The following ATP2A1 variants were observed in gnomAD, a reference collection of about 807,000 sequenced individuals.
ATP2A1 encodes the protein sarcoplasmic/endoplasmic reticulum calcium ATPase 1.
In ATP2A1, 83 loss-of-function variants were observed where a neutral mutation model predicts 109.5. That is an observed-to-expected ratio of 0.76 (90% CI 0.63 to 0.91). The LOEUF (loss-of-function observed/expected upper bound fraction) is 0.91. ATP2A1 is among the 40% of genes least tolerant of loss of function. The pLI is 0.00. For missense variants in ATP2A1, 1,101 were observed against 1,341.0 expected (o/e 0.82, Z 2.80); for synonymous variants, 505 against 537.6 (o/e 0.94, Z 0.84).
rs547031695 is a variant in ATP2A1, at chr16:28,904,385, C to T, written c.*243C>T. ...TCTCAACCTTGTAAATTCCCCTTCC[C>T]AACCCCGAGGGGCTTGCAGGGACAA... On this transcript the variant is annotated 3_prime_UTR_variant, in exon 23 of 23. Coordinates refer to ENST00000395503, the MANE Select transcript of ATP2A1 (RefSeq NM_004320.6). 6 of 1,536,994 alleles carry T rather than the reference C, an allele frequency of 3.9e-6. No individual in the cohort carries two copies. In the South Asian group the frequency reaches 7.2e-5, roughly 18 times the overall value.
chr16:28,894,020 G>A, intron 9 of ATP2A1, 135 bp from the exon 10 acceptor site: 2 of 719,178 alleles, frequency 2.8e-6, no homozygotes, highest in East Asian at 2.7e-5. Context: ...GGGTATACGG[G>A]GGGGATGAGG....
chr16:28,901,790 C>G (rs1253599660), intron 15 of ATP2A1, 73 bp from the exon 16 acceptor site: 1 of 1,381,604 alleles, frequency 7.2e-7, no homozygotes, highest in Non-Finnish European at 1.0e-6. Context: ...GACCTCATCC[C>G]TAAAATAAAA....
At chr16:28,894,283 C>A in intron 10 of ATP2A1, 40 bp downstream of exon 10, 1 of 1,575,246 alleles carries the variant, frequency 6.3e-7, no homozygotes, top group Non-Finnish European at 8.7e-7. Flanking sequence ...TCCTCACGCC[C>A]CTTCCCACAC....
Position 28,882,211 on chromosome 16 carries a change from A to G in ATP2A1, c.325-240A>G, listed in dbSNP as rs11641216. Among the ~76,000 whole-genome samples, 51,235 of 147,480 alleles carry G rather than the reference A, an allele frequency of 0.35. 9,375 individuals are homozygous for G. The highest frequency in any genetic ancestry group is 0.42 in the Admixed American group (6,125 of 14,462). ...TGACTTCAAGTGATCCGCCTGCCTC[A>G]GCCTCCCAGAGTGCTGGGATTACAG... On this transcript the variant is annotated intron_variant, in intron 4 of 22. Transcript: ENST00000395503.
chr16:28,903,287 A>G lies in ATP2A1; in HGVS notation c.2863-36A>G, dbSNP rs80340245. ...AGTGCTGGTCTCTGGCTCCCTCCCCACCCCCTCCTGAGAGGGCGCTTGTCC... is the reference window on the plus strand; with the variant it reads ...AGTGCTGGTCTCTGGCTCCCTCCCCGCCCCCTCCTGAGAGGGCGCTTGTCC... On this transcript the variant is annotated intron_variant, in intron 20 of 22. Coordinates refer to ENST00000395503, the MANE Select transcript of ATP2A1 (RefSeq NM_004320.6). The surrounding 1 kb of genome is among the most constrained non-coding windows in gnomAD (Gnocchi z 5.6). 4,959 of 1,584,178 alleles carry G rather than the reference A, an allele frequency of 3.1e-3. 167 individuals are homozygous for G. The Admixed American group carries it at 0.062, about 20-fold the overall frequency.
chr16:28,895,962 A>T (rs1174937695), intron 12 of ATP2A1, among the ~76,000 whole-genome samples: 1 of 151,942 alleles, frequency 6.6e-6, no homozygotes, highest in African/African-American at 2.4e-5. Context: ...TTATTTATTT[A>T]TTTTTGAGAT....
In ATP2A1 at chr16:28,880,758, C is replaced by A. The variant is rs1466161249; in HGVS notation, c.220-157C>A. ...GACCTGCAGTGGATGGACAGACCCTCAGACGGATGTGGGGCCACAGCGCCC... is the reference window on the plus strand; with the variant it reads ...GACCTGCAGTGGATGGACAGACCCTAAGACGGATGTGGGGCCACAGCGCCC... On this transcript the variant is annotated intron_variant, in intron 3 of 22. Coordinates refer to ENST00000395503, the MANE Select transcript of ATP2A1 (RefSeq NM_004320.6). The surrounding 1 kb of genome is among the most constrained non-coding windows in gnomAD (Gnocchi z 4.2). Among the ~76,000 whole-genome samples, 1 of 152,244 alleles carries A rather than the reference C, an allele frequency of 6.6e-6. No individual in the cohort carries two copies. Among genetic ancestry groups the A allele is most frequent in the Admixed American group, 6.5e-5 (1 of 15,284 alleles).
intron 3 of ATP2A1, chr16:28,879,917 G>GTC: frequency 7.2e-6 from 6 of 835,670 alleles, no homozygotes; most frequent in Non-Finnish European, 9.0e-6. Context: ...GGCGCGGGGG[G>GTC]CCACTGCCAC....
intron 6 of ATP2A1, among the ~76,000 whole-genome samples, chr16:28,886,284 C>T (rs1327507097): frequency 6.6e-6 from 1 of 152,082 alleles, no homozygotes; most frequent in African/African-American, 2.4e-5. Flanking sequence ...CTGCAATGAG[C>T]TATGATCACA....
Position 28,903,563 on chromosome 16 carries a change from C to A in ATP2A1, c.2980+123C>A. The A allele has an allele frequency of 1.7e-6, 2 of 1,185,086 alleles. No homozygotes were observed. The highest frequency in any genetic ancestry group is 2.5e-6 in the Non-Finnish European group (2 of 803,808). 73.4% of individuals were successfully genotyped at this position (1,185,086 alleles called of 1,614,324 possible). On this transcript the variant is annotated intron_variant, in intron 21 of 22. Coordinates refer to ENST00000395503, the MANE Select transcript of ATP2A1 (RefSeq NM_004320.6). This position sits in a 1 kb window ranked among gnomAD's most constrained non-coding sequence, Gnocchi z 5.6. The stretch of plus-strand genomic sequence containing the variant: ...TTCTCAGCCCTGGCAGGACCTGTGT[C>A]CGCCCCGTTCCCCCTGCGCCTGCAG...
chr16:28,883,088 G>T lies in ATP2A1; in HGVS notation c.463+499G>T, dbSNP rs542751504. 1.3e-5 allele frequency among the ~76,000 whole-genome samples: 2 copies of T among 152,348 alleles called. No individual in the cohort carries two copies. The highest frequency in any genetic ancestry group is 4.1e-4 in the South Asian group (2 of 4,830). On this transcript the variant is annotated intron_variant, in intron 5 of 22. Coordinates refer to ENST00000395503, the MANE Select transcript of ATP2A1 (RefSeq NM_004320.6). The surrounding 1 kb of genome is among the most constrained non-coding windows in gnomAD (Gnocchi z 5.2). ...CAGGCCTGGCACAGAGCACGCGACC[G>T]GGGAGGAGGGAGCTCAAGGAGGGCC...
rs373910179 is a variant in ATP2A1, at chr16:28,903,162, G to A, written c.2862+15G>A. The A allele has an allele frequency of 2.4e-4, 389 of 1,611,822 alleles. No homozygotes were observed. Among genetic ancestry groups the A allele is most frequent in the Middle Eastern group, 4.9e-4 (3 of 6,082 alleles). On this transcript the variant is annotated intron_variant, in intron 20 of 22. Coordinates refer to ENST00000395503, the MANE Select transcript of ATP2A1 (RefSeq NM_004320.6). This position sits in a 1 kb window ranked among gnomAD's most constrained non-coding sequence, Gnocchi z 5.6. Reference sequence around the variant, plus strand: ...ACCCCCTGCCGGTGAGGTTTCTTCCGCCCAGGGCCGCCCACCCCAGCACTG... The same window carrying A: ...ACCCCCTGCCGGTGAGGTTTCTTCCACCCAGGGCCGCCCACCCCAGCACTG...
At chr16:28,879,318 C>T (rs1963380082) in intron 2 of ATP2A1, 183 bp from the exon 3 acceptor site, 2 of 836,754 alleles carry the variant, frequency 2.4e-6, no homozygotes, top group Non-Finnish European at 2.0e-6. Context: ...CCTTGAACTG[C>T]CCCCCACTTT....
chr16:28,890,110 C>A (rs1963728645), intron 9 of ATP2A1, among the ~76,000 whole-genome samples: 1 of 151,838 alleles, frequency 6.6e-6, no homozygotes, highest in African/African-American at 2.4e-5. Flanking sequence ...CCACTGCACT[C>A]CAGTGTGGGC....
In ATP2A1 at chr16:28,888,939, A is replaced by G; in HGVS notation, c.1081A>G (p.Met361Val). The G allele has an allele frequency of 6.2e-7, 1 of 1,614,064 alleles. No homozygotes were observed. Among genetic ancestry groups the G allele is most frequent in the South Asian group, 1.1e-5 (1 of 91,082 alleles). Residue 361 changes from methionine to valine, a missense_variant, in exon 9 of 23, where the codon ATG becomes GTG. Met to Val is a conservative substitution (Grantham distance 21). Coordinates refer to ENST00000395503, the MANE Select transcript of ATP2A1 (RefSeq NM_004320.6). ...DKTGTLTTNQMSVCKMFIIDK... is the reference protein window; with the variant it reads ...DKTGTLTTNQVSVCKMFIIDK... ...GACAGGCACCCTCACCACCAACCAG[A>G]TGTCTGTCTGCAAGGTCAGGAGCAG...
intron 6 of ATP2A1, 142 bp from the exon 7 acceptor site, chr16:28,887,047 C>T (rs2152203472): frequency 1.3e-6 from 1 of 758,714 alleles, no homozygotes. Flanking sequence ...TCAGTGGCTT[C>T]TTCCAGAGTC....
rs565997026 is a variant in ATP2A1, at chr16:28,880,214, C to T, written c.219+631C>T. 4 of 796,440 alleles carry T rather than the reference C, an allele frequency of 5.0e-6. No homozygotes were observed. Among genetic ancestry groups the T allele is most frequent in the Admixed American group, 5.5e-5 (1 of 18,080 alleles). The allele number at this position is 796,440 out of a possible 1,614,324, so 49.3% of individuals were successfully genotyped here. On this transcript the variant is annotated intron_variant, in intron 3 of 22. Coordinates refer to ENST00000395503, the MANE Select transcript of ATP2A1 (RefSeq NM_004320.6). The surrounding 1 kb of genome is among the most constrained non-coding windows in gnomAD (Gnocchi z 4.2). ...CCAGGGCTCTGCCTCCTCTCCCGCC[C>T]TGGGGGCTACTCCCCATCCCGCGGT...
Position 28,903,351 on chromosome 16 carries a change from T to A in ATP2A1, c.2891T>A (p.Leu964His). ...ATCTTCAAGCTCCGGGCCCTGGACC[T>A]CACCCAGTGGCTCATGGTCCTCAAG... ...PMIFKLRALDLTQWLMVLKIS... is the reference protein window; with the variant it reads ...PMIFKLRALDHTQWLMVLKIS... Residue 964 changes from leucine (L) to histidine (H), a missense_variant, in exon 21 of 23, where the codon CTC becomes CAC. By Grantham distance (99) the Leu-to-His change is moderately conservative (BLOSUM62 -3). Coordinates refer to ENST00000395503, the MANE Select transcript of ATP2A1 (RefSeq NM_004320.6). The surrounding 1 kb of genome is among the most constrained non-coding windows in gnomAD (Gnocchi z 5.6). 3 of 1,613,842 alleles carry A rather than the reference T, an allele frequency of 1.9e-6. No homozygotes were observed. The South Asian group carries it at 3.3e-5, about 18-fold the overall frequency.
chr16:28,900,112 T>C (rs916614820), intron 14 of ATP2A1, among the ~76,000 whole-genome samples: 1 of 151,280 alleles, frequency 6.6e-6, no homozygotes, highest in Non-Finnish European at 1.5e-5. Flanking sequence ...CTGGGCAACA[T>C]AGCAAGATCC....
Sources: allele counts gnomAD v4.1 joint callset (sites outside exome capture counted in the v4.1 genomes callset), GRCh38; gene constraint gnomAD v4.1.1; non-coding constraint Gnocchi (gnomAD v3.1); transcripts MANE v1.5; gene names NCBI Gene and HGNC (gene_info 2026-07-23, HGNC 2026-07-21).